MAML3: variants seen among roughly 807,000 people sequenced by gnomAD.
MAML3 encodes the protein mastermind like transcriptional coactivator 3.
In MAML3, 27 loss-of-function variants were observed where a neutral mutation model predicts 101.9. The ratio of observed to expected loss-of-function variants is 0.27; its 90% confidence interval spans 0.20 to 0.37. The LOEUF (loss-of-function observed/expected upper bound fraction) is 0.37. Among genes scored for constraint, MAML3 ranks in the 10% least tolerant of loss-of-function variants. The pLI is 1.00. For missense variants in MAML3, 1,316 were observed against 1,444.9 expected (o/e 0.91, Z 1.45); for synonymous variants, 501 against 555.9 (o/e 0.90, Z 1.39).
intron 1 of MAML3, chr4:140,128,188 T>C (rs539224014): frequency 1.3e-5 from 2 of 152,332 alleles, no homozygotes; most frequent in South Asian, 4.1e-4. Flanking sequence ...TCAATTAAGA[T>C]GGTGCTTTAG....
At chr4:139,996,689 G>A (rs1401043516) in intron 1 of MAML3, among the ~76,000 whole-genome samples, 4 of 151,954 alleles carry the variant, frequency 2.6e-5, no homozygotes, top group Non-Finnish European at 4.4e-5. Flanking sequence ...GTTGTATCGT[G>A]TGTGTGTGTG....
intron 1 of MAML3, among the ~76,000 whole-genome samples, chr4:140,115,602 A>T (rs1578692193): frequency 6.6e-6 from 1 of 152,280 alleles, no homozygotes; most frequent in Admixed American, 6.5e-5. Flanking sequence ...CAAGTGAGAG[A>T]CTTAAGAGCA....
chr4:140,035,088 C>A (rs1726962920), intron 1 of MAML3, among the ~76,000 whole-genome samples: 1 of 152,094 alleles, frequency 6.6e-6, no homozygotes, highest in Non-Finnish European at 1.5e-5. Flanking sequence ...TCCTGTCTCA[C>A]CCTCCTGAGT....
intron 1 of MAML3, among the ~76,000 whole-genome samples, chr4:140,135,650 G>A (rs983602424): frequency 1.3e-5 from 2 of 152,178 alleles, no homozygotes; most frequent in Non-Finnish European, 2.9e-5. Flanking sequence ...CGTCTCTGAA[G>A]AGCCACCATA....
chr4:140,107,906 G>C (rs777338823), intron 1 of MAML3, among the ~76,000 whole-genome samples: 2 of 151,012 alleles, frequency 1.3e-5, no homozygotes, highest in Non-Finnish European at 3.0e-5. Context: ...AAGGCACCGA[G>C]AGGAACAAAA....
At chr4:140,006,572 C>G (rs1399786017) in intron 1 of MAML3, among the ~76,000 whole-genome samples, 1 of 117,646 alleles carries the variant, frequency 8.5e-6, no homozygotes, top group Non-Finnish European at 1.6e-5. Flanking sequence ...GGTGACAGAG[C>G]GAAACTCTGT....
chr4:139,889,214 C>G lies in MAML3; in HGVS notation c.2079+143G>C, dbSNP rs375198749. On this transcript the variant is annotated intron_variant, in intron 2 of 4. Coordinates refer to ENST00000509479, the MANE Select transcript of MAML3 (RefSeq NM_018717.5). ...GAAATGGAAAAAGAACACTCCAAAC[C>G]TGGCCACTACCTGAGGATGTGTAAA... 2.0e-6 allele frequency: 3 copies of G among 1,488,964 alleles called. No homozygotes were observed. The African/African-American group carries it at 4.1e-5, about 20-fold the overall frequency. 92.2% of individuals were successfully genotyped at this position (1,488,964 alleles called of 1,614,324 possible). A position where few individuals can be genotyped will look rare whatever the true frequency, so the allele number is the denominator to read the frequency against.
intron 1 of MAML3, among the ~76,000 whole-genome samples, chr4:139,956,208 A>G (rs1196183136): frequency 6.6e-6 from 1 of 152,232 alleles, no homozygotes; most frequent in Non-Finnish European, 1.5e-5. Context: ...ATTCACGGAT[A>G]TGAGAGGATC....
chr4:140,060,112 TC>T (rs1037667988), intron 1 of MAML3, among the ~76,000 whole-genome samples: 11 of 152,014 alleles, frequency 7.2e-5, no homozygotes, highest in African/African-American at 2.7e-4. Flanking sequence ...ACGCCTGTAA[TC>T]CCAGCACTTT....
At chr4:139,946,213 A>C (rs1733724119) in intron 1 of MAML3, among the ~76,000 whole-genome samples, 1 of 152,228 alleles carries the variant, frequency 6.6e-6, no homozygotes, top group Admixed American at 6.5e-5. Flanking sequence ...ATGAAATCTT[A>C]TATTCAGAAG....
chr4:139,892,846 G>A (rs1183078485), intron 1 of MAML3, among the ~76,000 whole-genome samples: 1 of 149,760 alleles, frequency 6.7e-6, no homozygotes, highest in Non-Finnish European at 1.5e-5. Flanking sequence ...CAGGAGAATG[G>A]CATGAACCCG....
intron 1 of MAML3, among the ~76,000 whole-genome samples, chr4:140,081,588 T>A (rs1011571760): frequency 3.9e-5 from 6 of 152,104 alleles, no homozygotes; most frequent in African/African-American, 1.2e-4. Context: ...GAGAAATAGA[T>A]GAGGGAGGAA....
In MAML3 at chr4:140,116,725, G is replaced by A. The variant is rs889736630; in HGVS notation, c.468+36135C>T. Among the ~76,000 whole-genome samples the A allele has an allele frequency of 1.4e-4, 22 of 152,150 alleles. 1 individual carries two copies. The highest frequency in any genetic ancestry group is 4.6e-4 in the African/African-American group (19 of 41,432). On this transcript the variant is annotated intron_variant, in intron 1 of 4. Transcript: ENST00000509479. ...GAATCATGCTTCACTCAACTGAAATGGCAGCAGGTTTTTAGAAAGCTAAAC... is the reference window on the plus strand; with the variant it reads ...GAATCATGCTTCACTCAACTGAAATAGCAGCAGGTTTTTAGAAAGCTAAAC...
chr4:139,770,209 G>A (rs1441866842), intron 2 of MAML3, among the ~76,000 whole-genome samples: 2 of 152,222 alleles, frequency 1.3e-5, no homozygotes, highest in South Asian at 2.1e-4. Context: ...GGGCATTACA[G>A]GCATGAGCCA....
intron 1 of MAML3, among the ~76,000 whole-genome samples, chr4:139,995,947 C>A (rs148257355): frequency 2.8e-4 from 43 of 152,046 alleles, no homozygotes; most frequent in African/African-American, 9.9e-4. Context: ...TCCATCTAAG[C>A]ACTGTTTTAG....
intron 2 of MAML3, among the ~76,000 whole-genome samples, chr4:139,837,609 GAATATTTTAT>G (rs1375622714): frequency 2.6e-5 from 4 of 151,908 alleles, no homozygotes; most frequent in African/African-American, 9.7e-5. Context: ...TACATCACAG[GAATATTTTAT>G]AATACTATTA....
intron 1 of MAML3, among the ~76,000 whole-genome samples, chr4:140,120,113 T>C (rs1728581866): frequency 6.6e-6 from 1 of 151,922 alleles, no homozygotes; most frequent in Non-Finnish European, 1.5e-5. Flanking sequence ...GGCGGGCGCC[T>C]GTAGTCCCAG....
chr4:139,920,411 T>C (rs1733104407), intron 1 of MAML3, among the ~76,000 whole-genome samples: 1 of 152,206 alleles, frequency 6.6e-6, no homozygotes, highest in African/African-American at 2.4e-5. Flanking sequence ...TGTGTGCAGG[T>C]GTGTCTGTGC....
At chr4:139,773,234 G>C (rs1730030072) in intron 2 of MAML3, among the ~76,000 whole-genome samples, 1 of 151,980 alleles carries the variant, frequency 6.6e-6, no homozygotes, top group Non-Finnish European at 1.5e-5. Flanking sequence ...ACAGAAAAAA[G>C]GCAGAAGAGT....
Sources: gnomAD v4.1 joint callset for allele counts (sites outside exome capture counted in the v4.1 genomes callset) on GRCh38, gnomAD v4.1.1 for gene constraint, MANE v1.5 for transcripts, NCBI Gene and HGNC (gene_info 2026-07-23, HGNC 2026-07-21) for gene names.